CARD14: variants seen among roughly 807,000 people sequenced by gnomAD.
The protein encoded by CARD14 is caspase recruitment domain family member 14, also known as caspase recruitment domain-containing protein 14.
A neutral mutation model predicts 111.5 loss-of-function variants in CARD14; 107 were observed. That is an observed-to-expected ratio of 0.96 (90% confidence interval 0.82 to 1.13). The LOEUF is 1.13. CARD14 is among the 50% of genes most tolerant of loss of function. The probability of loss-of-function intolerance (pLI) is 0.00; values close to 1 mark genes in which losing one functional copy is unlikely to be tolerated. For missense variants in CARD14, 1,322 were observed against 1,362.3 expected (o/e 0.97, Z 0.47); for synonymous variants, 617 against 579.6 (o/e 1.06, Z -0.93).
At chr17:80,187,196 C>T (rs1250567188) in intron 7 of CARD14, among the ~76,000 whole-genome samples, 1 of 152,226 alleles carries the variant, frequency 6.6e-6, no homozygotes, top group African/African-American at 2.4e-5. Context: ...ACCTTCAGAC[C>T]CGTGCTCAGT....
chr17:80,190,640 G>T, intron 9 of CARD14, 134 bp from the exon 10 acceptor site: 2 of 860,778 alleles, frequency 2.3e-6, no homozygotes, highest in Non-Finnish European at 3.4e-6. Flanking sequence ...GAGAGAGAGA[G>T]ACGAGTGAGA....
At chr17:80,177,185 C>T (rs186016792) in intron 2 of CARD14, among the ~76,000 whole-genome samples, 157 of 152,224 alleles carry the variant, frequency 1.0e-3, no homozygotes, top group African/African-American at 3.5e-3. Flanking sequence ...ATGGGGTGAT[C>T]ATGGGGTGTC....
At chr17:80,170,691 A>G (rs1421860845) in intron 1 of CARD14, among the ~76,000 whole-genome samples, 1 of 151,946 alleles carries the variant, frequency 6.6e-6, no homozygotes, top group African/African-American at 2.4e-5. Flanking sequence ...GATGCTCAGG[A>G]TTTTATGATC....
chr17:80,196,618 C>A (rs1455754384), intron 14 of CARD14: 1 of 152,236 alleles, frequency 6.6e-6, no homozygotes, highest in East Asian at 1.9e-4. Flanking sequence ...GGCCCTGGCT[C>A]TGCTGTGTGG....
rs1426824629 is a variant in CARD14, at chr17:80,202,249, T to G, written c.2048T>G (p.Val683Gly). ...TCGGGGGACTCATTCTACATCCGGG[T>G]CAACCTGGCCATGGAGGGCAGGGCC... ...ATSGDSFYIRVNLAMEGRAKG... is the reference protein window; with the variant it reads ...ATSGDSFYIRGNLAMEGRAKG... Residue 683 changes from valine (V) to glycine (G), a missense_variant, in exon 18 of 24, where the codon GTC (valine) becomes GGC (glycine). Val to Gly is a moderately radical substitution (Grantham distance 109). Transcript: ENST00000648509. 6.2e-7 allele frequency: 1 copy of G among 1,613,814 alleles called. No homozygotes were observed. Among genetic ancestry groups the G allele is most frequent in the African/African-American group, 1.3e-5 (1 of 74,894 alleles).
At position 80,188,611 on chromosome 17, in the gene CARD14, G is replaced by A; in HGVS notation, c.843+67G>A. 3 of 1,363,116 alleles carry A rather than the reference G, an allele frequency of 2.2e-6. No homozygotes were observed. Among genetic ancestry groups the A allele is most frequent in the Non-Finnish European group, 2.9e-6 (3 of 1,049,182 alleles). 84.4% of individuals were successfully genotyped at this position (1,363,116 alleles called of 1,614,324 possible). ...GGGGGCTTGGCCCTCAGGCTGTGGG[G>A]TTTCTGACAGGTGGTTTAGTTAAGG... is the stretch of plus-strand genomic sequence containing the variant. On this transcript the variant is annotated intron_variant, in intron 8 of 23. Coordinates refer to ENST00000648509, the MANE Select transcript of CARD14 (RefSeq NM_001366385.1). This position sits in a 1 kb window ranked among gnomAD's most constrained non-coding sequence, Gnocchi z 4.5.
rs568794357 is a variant in CARD14, at chr17:80,173,560, T to G, written c.-367+332T>G. On this transcript the variant is annotated intron_variant, in intron 2 of 23. Coordinates refer to ENST00000648509, the MANE Select transcript of CARD14 (RefSeq NM_001366385.1). ...ATTTTTATTTTTTATGTACTGCTCCTTGAGGAGCTGGGCTAACTCATAGGC... is the reference window on the plus strand; with the variant it reads ...ATTTTTATTTTTTATGTACTGCTCCGTGAGGAGCTGGGCTAACTCATAGGC... Among the ~76,000 whole-genome samples the G allele has an allele frequency of 1.0e-3, 152 of 152,290 alleles. 2 individuals are homozygous for G. The highest frequency in any genetic ancestry group is 6.8e-3 in the Middle Eastern group (2 of 294).
In CARD14 at chr17:80,182,637, G is replaced by A. The variant is rs777801068; in HGVS notation, c.212-16G>A. ...GTAGCTGGGTTCTGCCCAGACAGAC[G>A]GTTCTGCCTCCCAAGGGCACTTGCT... On this transcript the variant is annotated splice_polypyrimidine_tract_variant and intron_variant, in intron 5 of 23. Coordinates refer to ENST00000648509, the MANE Select transcript of CARD14 (RefSeq NM_001366385.1). The surrounding 1 kb of genome is among the most constrained non-coding windows in gnomAD (Gnocchi z 4.7). The A allele has an allele frequency of 1.2e-5, 19 of 1,613,534 alleles. No individual in the cohort carries two copies. Among genetic ancestry groups the A allele is most frequent in the South Asian group, 5.5e-5 (5 of 90,998 alleles).
intron 18 of CARD14, 132 bp downstream of exon 18, chr17:80,202,552 C>T: frequency 6.9e-7 from 1 of 1,459,804 alleles, no homozygotes; most frequent in Non-Finnish European, 9.0e-7. Context: ...AGGAGGGAAG[C>T]CTGCCAAGAT....
At position 80,208,211 on chromosome 17, in the gene CARD14, G is replaced by T; in HGVS notation, c.2881G>T (p.Asp961Tyr). Reference sequence around the variant, plus strand: ...TGCGAGGCAGGAGGAGGGAGACCTGGACCGGGCGCCCTGTCTATACAGCAG... The same window carrying T: ...TGCGAGGCAGGAGGAGGGAGACCTGTACCGGGCGCCCTGTCTATACAGCAG... ...EAARQEEGDL[D>Y]RAPCLYSSLA... The change falls in exon 24 of 24, where the codon GAC becomes TAC. Residue 961 changes from aspartate to tyrosine, a missense_variant. By Grantham distance (160) the Asp-to-Tyr change is radical. Transcript: ENST00000648509. 6.4e-7 allele frequency: 1 copy of T among 1,558,114 alleles called. No homozygotes were observed. Among genetic ancestry groups the T allele is most frequent in the Non-Finnish European group, 8.7e-7 (1 of 1,150,756 alleles).
At chr17:80,183,853 C>G in intron 6 of CARD14, 60 bp from the exon 7 acceptor site, 1 of 1,385,140 alleles carries the variant, frequency 7.2e-7, no homozygotes. Flanking sequence ...CTCACCTACC[C>G]ACCTGCCCAC....
rs2041458167 is a variant in CARD14, at chr17:80,208,231, C to T, written c.2901C>T (p.Tyr967=). The T allele has an allele frequency of 1.3e-6, 2 of 1,571,208 alleles. No individual in the cohort carries two copies. Among genetic ancestry groups the T allele is most frequent in the East Asian group, 4.6e-5 (2 of 43,396 alleles). The change falls in exon 24 of 24, where the codon TAC becomes TAT. Residue 967 remains tyrosine, a synonymous_variant. Transcript: ENST00000648509. ...ACCTGGACCGGGCGCCCTGTCTATA[C>T]AGCAGCCTGGCTCCTGACGGCTGGA... ...EGDLDRAPCL[Y]SSLAPDGWSD...
intron 10 of CARD14, 71 bp from the exon 11 acceptor site, chr17:80,191,252 G>C: frequency 1.3e-6 from 2 of 1,554,618 alleles, no homozygotes; most frequent in African/African-American, 2.7e-5. Flanking sequence ...CTAGAAACAG[G>C]GCTCTCCTTC....
Position 80,188,209 on chromosome 17 carries a change from T to C in CARD14, c.676-168T>C. On this transcript the variant is annotated intron_variant, in intron 7 of 23. Transcript: ENST00000648509. This position sits in a 1 kb window ranked among gnomAD's most constrained non-coding sequence, Gnocchi z 4.5. ...TGTCCTCCCAGCCCCAGTTGAATAT[T>C]TGGGACTATTCATTAGGTGAACCCT... is the stretch of plus-strand genomic sequence containing the variant. 1 of 666,154 alleles carries C rather than the reference T, an allele frequency of 1.5e-6. No homozygotes were observed. Among genetic ancestry groups the C allele is most frequent in the Non-Finnish European group, 2.3e-6 (1 of 438,316 alleles). The allele number at this position is 666,154 out of a possible 1,614,324, so 41.3% of individuals were successfully genotyped here. A position where few individuals can be genotyped will look rare whatever the true frequency, so the allele number is the denominator to read the frequency against.
chr17:80,196,967 G>A (rs2040736445), intron 14 of CARD14: 1 of 152,488 alleles, frequency 6.6e-6, no homozygotes, highest in South Asian at 2.1e-4. Flanking sequence ...GGGAGGTCAA[G>A]GTGGGCGGAT....
At chr17:80,200,840 T>A (rs2040936493) in intron 16 of CARD14, 1 of 153,212 alleles carries the variant, frequency 6.5e-6, no homozygotes, top group Admixed American at 6.5e-5. Context: ...AGGAATTAGA[T>A]TCTCATAAGG....
At chr17:80,172,721 C>G (rs1418412582) in intron 1 of CARD14, among the ~76,000 whole-genome samples, 185 bp from the exon 2 acceptor site, 2 of 152,172 alleles carry the variant, frequency 1.3e-5, no homozygotes, top group East Asian at 3.9e-4. Flanking sequence ...AAGGACTGTC[C>G]CAGACAACCT....
At chr17:80,177,330 G>C (rs977983598) in intron 2 of CARD14, among the ~76,000 whole-genome samples, 7 of 152,082 alleles carry the variant, frequency 4.6e-5, no homozygotes, top group Middle Eastern at 3.4e-3. Flanking sequence ...AGGCTCAAGC[G>C]ATCCTCCCAC....
rs1159940413 is a variant in CARD14 at position 80,195,639 on chromosome 17, C to T, written c.1581C>T (p.Leu527=). The change falls in exon 14 of 24, where the codon CTC becomes CTT. Residue 527 remains leucine, a synonymous_variant. Transcript: ENST00000648509. The surrounding 1 kb of genome is among the most constrained non-coding windows in gnomAD (Gnocchi z 4.7). ...KAGDPHLDYE[L]LDTADLPQLE... ...GCGACCCACACCTGGATTATGAGCTCCTAGACACGGCAGGTGAGCACGCCC... is the reference window on the plus strand; with the variant it reads ...GCGACCCACACCTGGATTATGAGCTTCTAGACACGGCAGGTGAGCACGCCC... 1 of 1,613,344 alleles carries T rather than the reference C, an allele frequency of 6.2e-7. No individual in the cohort carries two copies. Among genetic ancestry groups the T allele is most frequent in the Non-Finnish European group, 8.5e-7 (1 of 1,179,786 alleles).
Sources: gnomAD v4.1 joint callset for allele counts (sites outside exome capture counted in the v4.1 genomes callset) on GRCh38, gnomAD v4.1.1 for gene constraint, Gnocchi (gnomAD v3.1) non-coding constraint, MANE v1.5 for transcripts, NCBI Gene and HGNC (gene_info 2026-07-23, HGNC 2026-07-21) for gene names.